The following CSF1R variants were observed in gnomAD, a reference collection of about 807,000 sequenced individuals.
CSF1R encodes macrophage colony-stimulating factor 1 receptor.
A neutral mutation model predicts 110.0 loss-of-function variants in CSF1R; 40 were observed. The observed-to-expected ratio is 0.36, with a 90% CI of 0.28 to 0.47. CSF1R has a LOEUF of 0.47. CSF1R is among the 20% of genes least tolerant of loss of function. CSF1R has a pLI of 0.99. For synonymous variants in CSF1R, 523 were observed against 503.4 expected, an observed-to-expected ratio of 1.04 and a Z score of -0.52; for missense variants, 1,052 against 1,253.0, an observed-to-expected ratio of 0.84 and a Z score of 2.42.
At chr5:150,093,365 C>T (rs998680454) in intron 1 of CSF1R, among the ~76,000 whole-genome samples, 2 of 152,182 alleles carry the variant, frequency 1.3e-5, no homozygotes, top group Non-Finnish European at 2.9e-5. Flanking sequence ...AGGTGTGAGC[C>T]ACAGCACCGG....
In CSF1R at chr5:150,070,017, C is replaced by T. The variant is rs2113808430; in HGVS notation, c.1366G>A (p.Glu456Lys). The T allele has an allele frequency of 6.2e-7, 1 of 1,614,136 alleles. No homozygotes were observed. Among genetic ancestry groups the T allele is most frequent in the Non-Finnish European group, 8.5e-7 (1 of 1,180,000 alleles). The change falls in exon 9 of 21, where the codon GAG becomes AAG. Residue 456 changes from glutamate to lysine, a missense_variant. Physicochemically the swap from Glu to Lys is moderately conservative, Grantham distance 56. Coordinates refer to ENST00000675795, the MANE Select transcript of CSF1R (RefSeq NM_001288705.3). ...VLQVWDDPYPEVLSQEPFHKV... is the reference protein window; with the variant it reads ...VLQVWDDPYPKVLSQEPFHKV... ...TGGAAGGGCTCCTGGCTCAGGACCTCAGGGTATGGGTCATCCCAGACCTGC... is the reference window on the plus strand; with the variant it reads ...TGGAAGGGCTCCTGGCTCAGGACCTTAGGGTATGGGTCATCCCAGACCTGC...
chr5:150,061,933 G>A (rs1188998275), intron 10 of CSF1R, 84 bp from the exon 11 acceptor site: 27 of 1,595,468 alleles, frequency 1.7e-5, no homozygotes, highest in Non-Finnish European at 2.3e-5. Context: ...GAGCAGGGGT[G>A]TGGGCAGTCC....
At chr5:150,105,384 ATTTTTT>A (rs35556562) in intron 1 of CSF1R, among the ~76,000 whole-genome samples, 1,532 of 84,184 alleles carry the variant, frequency 0.018, 62 homozygotes, top group African/African-American at 0.07. Context: ...ATATATATAT[ATTTTTT>A]TTTTTTTAAT....
At chr5:150,076,608 T>G (rs1188776508) in intron 5 of CSF1R, among the ~76,000 whole-genome samples, 1 of 152,166 alleles carries the variant, frequency 6.6e-6, no homozygotes, top group Non-Finnish European at 1.5e-5. Flanking sequence ...GCAGTTATTC[T>G]TTCTCACTTT....
At chr5:150,093,308 A>G (rs1759104706) in intron 1 of CSF1R, among the ~76,000 whole-genome samples, 1 of 152,118 alleles carries the variant, frequency 6.6e-6, no homozygotes. Flanking sequence ...CGAATTCCTG[A>G]CTTCAGGTCA....
chr5:150,055,175 T>C, intron 19 of CSF1R, 62 bp downstream of exon 19: 1 of 1,452,618 alleles, frequency 6.9e-7, no homozygotes, highest in Non-Finnish European at 9.7e-7. Flanking sequence ...CACACGGCCT[T>C]CCATCCCTTT....
chr5:150,083,972 C>A (rs1047854822), intron 1 of CSF1R, among the ~76,000 whole-genome samples: 19 of 152,298 alleles, frequency 1.2e-4, no homozygotes, highest in Non-Finnish European at 2.4e-4. Context: ...ATGGCACAGA[C>A]CACAGAATGT....
At chr5:150,081,207 G>C (rs1390000999) in intron 1 of CSF1R, among the ~76,000 whole-genome samples, 183 bp from the exon 2 acceptor site, 1 of 152,156 alleles carries the variant, frequency 6.6e-6, no homozygotes, top group Non-Finnish European at 1.5e-5. Flanking sequence ...CTCAGGGACA[G>C]ACTGATGTCT....
At chr5:150,087,555 C>T (rs79518669), upstream of CSF1R, among the ~76,000 whole-genome samples, 4 of 152,194 alleles carry the variant, frequency 2.6e-5, no homozygotes, top group East Asian at 1.9e-4. Flanking sequence ...ATCTTTTGTG[C>T]GTTACTTACA....
chr5:150,092,715 T>G (rs1340715532), intron 1 of CSF1R, among the ~76,000 whole-genome samples: 1 of 152,172 alleles, frequency 6.6e-6, no homozygotes, highest in African/African-American at 2.4e-5. Context: ...ACTGCCCCCA[T>G]GATTCAATTA....
chr5:150,089,825 A>T (rs1758978889), upstream of CSF1R, among the ~76,000 whole-genome samples: 1 of 152,232 alleles, frequency 6.6e-6, no homozygotes, highest in South Asian at 2.1e-4. Context: ...CAGCATAAGA[A>T]TAACTATATG....
At chr5:150,055,152 G>T in intron 19 of CSF1R, 85 bp downstream of exon 19, 1 of 1,238,376 alleles carries the variant, frequency 8.1e-7, no homozygotes. Context: ...TTTGGACAGG[G>T]AAAGATCAGG....
intron 1 of CSF1R, among the ~76,000 whole-genome samples, chr5:150,105,525 T>A (rs759621425): frequency 2.6e-5 from 4 of 151,742 alleles, no homozygotes; most frequent in Non-Finnish European, 5.9e-5. Flanking sequence ...CTCTTTTTTT[T>A]CTTTTTCCCT....
intron 1 of CSF1R, among the ~76,000 whole-genome samples, chr5:150,084,278 C>CG (rs1561945364): frequency 6.7e-6 from 1 of 148,840 alleles, no homozygotes; most frequent in East Asian, 2.1e-4. Context: ...TGCAGTGAGC[C>CG]GAGATCCATG....
At chr5:150,085,279 A>T (rs1335732131) in intron 1 of CSF1R, among the ~76,000 whole-genome samples, 24 of 91,328 alleles carry the variant, frequency 2.6e-4, no homozygotes, top group Non-Finnish European at 5.6e-4. Context: ...TGTCTCAGGA[A>T]AAAAAAAAAA....
rs2113792982 is a variant in CSF1R at position 150,061,819 on chromosome 5, T to C, written c.1657A>G (p.Ile553Val). The change falls in exon 11 of 21, where the codon ATC becomes GTC. Residue 553 changes from isoleucine (I) to valine (V), a missense_variant. Around this residue, in one of 5 missense-constraint regions of CSF1R, gnomAD observed 693 missense variants for 735.4 expected, o/e 0.94. Coordinates refer to ENST00000675795, the MANE Select transcript of CSF1R (RefSeq NM_001288705.3). ...TAACTGTTGCCCTCATAGCTCTCGA[T>C]GATCTTCCAGCGGACCTGGTACTTG... ...KPKYQVRWKI[I>V]ESYEGNSYTF... The C allele has an allele frequency of 6.2e-7, 1 of 1,614,182 alleles. No homozygotes were observed. The highest frequency in any genetic ancestry group is 8.5e-7 in the Non-Finnish European group (1 of 1,180,028).
chr5:150,061,468 CCTCAT>C lies in CSF1R; in HGVS notation c.1858+18_1858+22del. ...AGCATCTACCACCCCCCATCCCTTC[CCTCAT>C]CCCCTCCCCTCACTCACACTTCAGC... On this transcript the variant is annotated intron_variant, in intron 12 of 20. Coordinates refer to ENST00000675795, the MANE Select transcript of CSF1R (RefSeq NM_001288705.3). 1.6e-6 allele frequency: 2 copies of C among 1,221,830 alleles called. No homozygotes were observed. The highest frequency in any genetic ancestry group is 2.7e-5 in the East Asian group (1 of 37,284). 75.7% of individuals were successfully genotyped at this position (1,221,830 alleles called of 1,614,324 possible).
intron 12 of CSF1R, 36 bp downstream of exon 12, chr5:150,061,455 C>T (rs1162429807): frequency 1.1e-6 from 1 of 889,458 alleles, no homozygotes; most frequent in South Asian, 1.5e-5. Flanking sequence ...CATCTACCAC[C>T]CCCCATCCCT....
At chr5:150,105,726 G>C (rs1759535548) in intron 1 of CSF1R, among the ~76,000 whole-genome samples, 1 of 152,030 alleles carries the variant, frequency 6.6e-6, no homozygotes, top group Non-Finnish European at 1.5e-5. Flanking sequence ...GTCTCACTGT[G>C]TTGCTCCAGC....
Sources: gnomAD v4.1 joint callset for allele counts (sites outside exome capture counted in the v4.1 genomes callset) on GRCh38, gnomAD v4.1.1 for gene constraint, gnomAD v4.1.1 regional missense constraint, MANE v1.5 for transcripts, NCBI Gene and HGNC (gene_info 2026-07-23, HGNC 2026-07-21) for gene names.